Variants in ZNF578 observed in about 807,000 individuals in gnomAD.
ZNF578 encodes the protein Putative chemokine-related protein B42.
Under a neutral mutation model 8.3 loss-of-function variants are expected in ZNF578, and 8 were observed. That is an observed-to-expected ratio of 0.96 (90% CI 0.56 to 1.74). The LOEUF (loss-of-function observed/expected upper bound fraction) is 1.74. Among genes scored for constraint, ZNF578 ranks in the 40% most tolerant of loss-of-function variants. The probability of loss-of-function intolerance (pLI) is 0.00; values close to 1 mark genes in which losing one functional copy is unlikely to be tolerated. For missense variants in ZNF578, 726 were observed against 707.5 expected (o/e 1.03, Z -0.30); for synonymous variants, 206 against 232.2 (o/e 0.89, Z 1.03).
At chr19:52,493,651 T>A (rs2059374843) in intron 3 of ZNF578, among the ~76,000 whole-genome samples, 1 of 151,582 alleles carries the variant, frequency 6.6e-6, no homozygotes, top group Non-Finnish European at 1.5e-5. Context: ...GGCGGTAATA[T>A]ATAGAGATTG....
chr19:52,497,478 C>G (rs1316356814), intron 3 of ZNF578, among the ~76,000 whole-genome samples: 1 of 152,226 alleles, frequency 6.6e-6, no homozygotes, highest in Non-Finnish European at 1.5e-5. Context: ...GCCCTGGCCT[C>G]CCAAAGTGCT....
chr19:52,512,395 C>T lies in ZNF578; in HGVS notation c.*241C>T, dbSNP rs2059452620. 4 of 1,477,966 alleles carry T rather than the reference C, an allele frequency of 2.7e-6. No homozygotes were observed. In the Admixed American group the frequency reaches 6.7e-5, roughly 25 times the overall value. The allele number at this position is 1,477,966 out of a possible 1,614,324, so 91.6% of individuals were successfully genotyped here. On this transcript the variant is annotated 3_prime_UTR_variant, in exon 6 of 6. Coordinates refer to ENST00000421239, the MANE Select transcript of ZNF578 (RefSeq NM_001099694.2). ...CAGTAACGCTACAACGATTGCAAAT[C>T]ATTGGAGAATCCATAATGAAGAGAG...
At chr19:52,476,131 A>T (rs114649170) in intron 2 of ZNF578, among the ~76,000 whole-genome samples, 1,906 of 151,956 alleles carry the variant, frequency 0.013, 24 homozygotes, top group South Asian at 0.03. Flanking sequence ...AATCCTTAAG[A>T]TCTATTACTA....
chr19:52,510,648 G>A lies in ZNF578; in HGVS notation c.267G>A (p.Met89Ile). 6.2e-7 allele frequency: 1 copy of A among 1,610,924 alleles called. No homozygotes were observed. The highest frequency in any genetic ancestry group is 1.7e-4 in the Middle Eastern group (1 of 6,026). The change falls in exon 6 of 6, where the codon ATG (methionine) becomes ATA (isoleucine). Residue 89 changes from methionine (M) to isoleucine (I), a missense_variant. Coordinates refer to ENST00000421239, the MANE Select transcript of ZNF578 (RefSeq NM_001099694.2). ...ATACAGAAGTGATCCACACAGGGAT[G>A]TTGCAAAGACATGAAAGTTATCACA... ...QGNTEVIHTGMLQRHESYHTG... is the reference protein window; with the variant it reads ...QGNTEVIHTGILQRHESYHTG...
intron 2 of ZNF578, among the ~76,000 whole-genome samples, chr19:52,468,092 A>G (rs2059280995): frequency 6.6e-6 from 1 of 152,216 alleles, no homozygotes; most frequent in Admixed American, 6.5e-5. Context: ...GAAACATAGA[A>G]TGTAGACTGC....
intron 2 of ZNF578, among the ~76,000 whole-genome samples, chr19:52,479,328 G>T (rs925768779): frequency 5.3e-5 from 8 of 151,984 alleles, no homozygotes; most frequent in African/African-American, 1.9e-4. Flanking sequence ...GAGGTCAGGA[G>T]ATCAAGACCA....
chr19:52,496,337 T>C (rs2615575), intron 3 of ZNF578, among the ~76,000 whole-genome samples: 2,972 of 149,542 alleles, frequency 0.02, 104 homozygotes, highest in African/African-American at 0.07. Flanking sequence ...TATTTATTTA[T>C]TTATTTATTT....
Position 52,511,882 on chromosome 19 carries a change from C to T in ZNF578, c.1501C>T (p.His501Tyr), listed in dbSNP as rs1199236766. ...CAGTCACAGGTCATCTCTTCCATGC[C>T]ATCGTAGACTTCATAGTGGTGAGAA... Reference protein sequence around the residue: ...TFSHRSSLPCHRRLHSGEKPY... With the variant: ...TFSHRSSLPCYRRLHSGEKPY... The change falls in exon 6 of 6, where the codon CAT (histidine) becomes TAT (tyrosine). Residue 501 changes from histidine to tyrosine, a missense_variant. Transcript: ENST00000421239. 6 of 1,613,242 alleles carry T rather than the reference C, an allele frequency of 3.7e-6. No homozygotes were observed. The highest frequency in any genetic ancestry group is 5.1e-6 in the Non-Finnish European group (6 of 1,179,844).
intron 2 of ZNF578, among the ~76,000 whole-genome samples, chr19:52,468,317 A>T (rs1382789836): frequency 6.6e-6 from 1 of 152,152 alleles, no homozygotes; most frequent in Non-Finnish European, 1.5e-5. Context: ...CTTCACAATA[A>T]TTTTCACTGA....
chr19:52,514,407 G>T lies in ZNF578; in HGVS notation c.*2253G>T, dbSNP rs578048887. 6.6e-6 allele frequency among the ~76,000 whole-genome samples: 1 copy of T among 152,302 alleles called. No homozygotes were observed. The highest frequency in any genetic ancestry group is 1.5e-5 in the Non-Finnish European group (1 of 68,030). ...TTCTAGTCTTTGTTATTTATTGGAA[G>T]GCTGTGGTACCTACTACTTAAGTTT... On this transcript the variant is annotated 3_prime_UTR_variant, in exon 6 of 6. Transcript: ENST00000421239.
At chr19:52,510,262 T>C (rs1368008204) in intron 5 of ZNF578, among the ~76,000 whole-genome samples, 4 of 152,052 alleles carry the variant, frequency 2.6e-5, no homozygotes, top group Admixed American at 6.6e-5. Context: ...GACAGTGATA[T>C]GTTTTTTGCA....
chr19:52,509,915 T>C (rs1002081718), intron 5 of ZNF578, among the ~76,000 whole-genome samples: 2 of 151,536 alleles, frequency 1.3e-5, no homozygotes, highest in Non-Finnish European at 2.9e-5. Context: ...ATAGTCTCAC[T>C]TTGTTGCCCA....
chr19:52,498,476 C>T (rs771609967), intron 3 of ZNF578, among the ~76,000 whole-genome samples: 1 of 151,800 alleles, frequency 6.6e-6, no homozygotes, highest in Non-Finnish European at 1.5e-5. Flanking sequence ...GGACTACAGG[C>T]ACCCACCACC....
intron 2 of ZNF578, among the ~76,000 whole-genome samples, chr19:52,481,629 T>C (rs1170226081): frequency 6.6e-6 from 1 of 152,224 alleles, no homozygotes; most frequent in Non-Finnish European, 1.5e-5. Context: ...GGACAGTGAC[T>C]TATGCAGTTG....
At position 52,512,324 on chromosome 19, in the gene ZNF578, ATG is replaced by A. The variant is rs1378936845; in HGVS notation, c.*171_*172del. On this transcript the variant is annotated 3_prime_UTR_variant, in exon 6 of 6. Coordinates refer to ENST00000421239, the MANE Select transcript of ZNF578 (RefSeq NM_001099694.2). Reference sequence around the variant, plus strand: ...GTCAACACTTACCATCAGGCCATTCATGGTGTAGGGAAACTTGACTAATGTAA... The same window carrying A: ...GTCAACACTTACCATCAGGCCATTCAGTGTAGGGAAACTTGACTAATGTAA... 2 of 1,539,652 alleles carry A rather than the reference ATG, an allele frequency of 1.3e-6. No individual in the cohort carries two copies. The highest frequency in any genetic ancestry group is 2.7e-5 in the African/African-American group (2 of 73,376).
chr19:52,492,224 A>G (rs1324097584), intron 3 of ZNF578, among the ~76,000 whole-genome samples: 1 of 141,762 alleles, frequency 7.1e-6, no homozygotes, highest in Non-Finnish European at 1.5e-5. Flanking sequence ...GCCCTGTGAG[A>G]GGGGGTGTTA....
chr19:52,480,864 C>G (rs1468589325), intron 2 of ZNF578, among the ~76,000 whole-genome samples: 1 of 150,092 alleles, frequency 6.7e-6, no homozygotes, highest in Admixed American at 6.7e-5. Flanking sequence ...CCACCGCACC[C>G]CAGTCTGGGT....
intron 3 of ZNF578, among the ~76,000 whole-genome samples, chr19:52,493,576 G>A (rs2059374403): frequency 6.6e-6 from 1 of 152,118 alleles, no homozygotes. Flanking sequence ...AGAGAGTGGG[G>A]ACAGGGGGGT....
chr19:52,482,205 G>T (rs1295266615), intron 2 of ZNF578, among the ~76,000 whole-genome samples: 1 of 152,058 alleles, frequency 6.6e-6, no homozygotes. Flanking sequence ...GGCTAATTTT[G>T]TGTCTTTAGT....
Sources: gnomAD v4.1 joint callset for allele counts (sites outside exome capture counted in the v4.1 genomes callset) on GRCh38, gnomAD v4.1.1 for gene constraint, MANE v1.5 for transcripts, NCBI Gene and HGNC (gene_info 2026-07-23, HGNC 2026-07-21) for gene names.